Variants in CNTN5 observed in about 807,000 individuals in gnomAD.
CNTN5 encodes the protein contactin-5.
Under a neutral mutation model 129.1 loss-of-function variants are expected in CNTN5, and 77 were observed. The observed-to-expected ratio is 0.60, with a 90% CI of 0.50 to 0.72. CNTN5 has a LOEUF of 0.72. CNTN5 is among the 30% of genes least tolerant of loss of function. The probability of loss-of-function intolerance (pLI) is 0.00; values close to 1 mark genes in which losing one functional copy is unlikely to be tolerated. For synonymous variants in CNTN5, 509 were observed against 465.6 expected (o/e 1.09, Z -1.20); for missense variants, 1,478 against 1,328.8 (o/e 1.11, Z -1.75).
intron 18 of CNTN5, among the ~76,000 whole-genome samples, chr11:100,292,165 C>A (rs568576921): frequency 6.6e-6 from 1 of 152,004 alleles, no homozygotes; most frequent in Non-Finnish European, 1.5e-5. Flanking sequence ...TACTTTCCAG[C>A]GGTGCTCTGG....
chr11:99,555,906 G>A (rs1948648529), intron 2 of CNTN5, among the ~76,000 whole-genome samples: 1 of 151,856 alleles, frequency 6.6e-6, no homozygotes, highest in South Asian at 2.1e-4. Flanking sequence ...CTGTATGGGA[G>A]TATTCAATGT....
intron 1 of CNTN5, among the ~76,000 whole-genome samples, chr11:99,140,402 A>G (rs544090357): frequency 6.6e-6 from 1 of 152,262 alleles, no homozygotes; most frequent in African/African-American, 2.4e-5. Flanking sequence ...CTCTAGGTAC[A>G]GAATCATATC....
chr11:99,674,451 C>T (rs1311434917), intron 3 of CNTN5, among the ~76,000 whole-genome samples: 3 of 152,024 alleles, frequency 2.0e-5, no homozygotes, highest in Non-Finnish European at 4.4e-5. Context: ...AAGCTCTTTG[C>T]TTTAGTTAGA....
rs775825806 is a variant in CNTN5 at position 100,337,574 on chromosome 11, C to T, written c.2731-2889C>T. 1.1e-4 allele frequency: 82 copies of T among 740,800 alleles called. 1 individual carries two copies. The highest frequency in any genetic ancestry group is 7.7e-4 in the Middle Eastern group (3 of 3,916). 45.9% of individuals were successfully genotyped at this position (740,800 alleles called of 1,614,324 possible). ...TGGATTTTCTGAGCAATGAGGGGCA[C>T]GTCTATTCTACTGTGGAGGATGATC... On this transcript the variant is annotated intron_variant, in intron 21 of 24. Coordinates refer to ENST00000524871, the MANE Select transcript of CNTN5 (RefSeq NM_014361.4).
chr11:99,236,734 A>G (rs1374202808), intron 1 of CNTN5, among the ~76,000 whole-genome samples: 1 of 152,186 alleles, frequency 6.6e-6, no homozygotes, highest in Non-Finnish European at 1.5e-5. Flanking sequence ...CTTTGCAAAC[A>G]AATTACATAC....
intron 2 of CNTN5, among the ~76,000 whole-genome samples, chr11:99,431,750 A>G (rs1167429101): frequency 6.6e-6 from 1 of 152,206 alleles, no homozygotes; most frequent in Non-Finnish European, 1.5e-5. Flanking sequence ...ACATGCCTAA[A>G]AAAAGGAACA....
intron 1 of CNTN5, among the ~76,000 whole-genome samples, chr11:99,273,754 T>C (rs1014434954): frequency 6.6e-6 from 1 of 151,554 alleles, no homozygotes; most frequent in Non-Finnish European, 1.5e-5. Context: ...AACATAAAGA[T>C]CTTAATAAAA....
At chr11:100,265,029 CT>C in intron 17 of CNTN5, among the ~76,000 whole-genome samples, 1 of 151,750 alleles carries the variant, frequency 6.6e-6, no homozygotes, top group Non-Finnish European at 1.5e-5. Context: ...ACATAAATGT[CT>C]TTTTTTGAGA....
intron 6 of CNTN5, among the ~76,000 whole-genome samples, chr11:99,858,596 A>T (rs1948112154): frequency 1.7e-5 from 1 of 59,142 alleles, no homozygotes; most frequent in African/African-American, 6.5e-5. Flanking sequence ...AAATAGAATA[A>T]ATGTGCTTAC....
intron 2 of CNTN5, among the ~76,000 whole-genome samples, chr11:99,350,582 A>G (rs532453811): frequency 6.6e-6 from 1 of 152,292 alleles, no homozygotes; most frequent in Admixed American, 6.5e-5. Flanking sequence ...GTGAATGGAT[A>G]AACAAATTGT....
At chr11:99,586,571 T>C (rs1565324186) in intron 3 of CNTN5, among the ~76,000 whole-genome samples, 1 of 152,212 alleles carries the variant, frequency 6.6e-6, no homozygotes, top group African/African-American at 2.4e-5. Context: ...AATAAATTAG[T>C]ACAATACCTG....
At position 100,290,089 on chromosome 11, in the gene CNTN5, G is replaced by A. The variant is rs12276437; in HGVS notation, c.2315-7536G>A. 2.5e-3 allele frequency among the ~76,000 whole-genome samples: 375 copies of A among 150,870 alleles called. 1 individual carries two copies. The highest frequency in any genetic ancestry group is 8.7e-3 in the African/African-American group (357 of 40,918). ...TCTTCAAGGAGAACTACAAACCACTGCTCAAGGAAATAAAAGAGGATACAG... is the reference window on the plus strand; with the variant it reads ...TCTTCAAGGAGAACTACAAACCACTACTCAAGGAAATAAAAGAGGATACAG... On this transcript the variant is annotated intron_variant, in intron 18 of 24. Coordinates refer to ENST00000524871, the MANE Select transcript of CNTN5 (RefSeq NM_014361.4).
chr11:99,121,697 A>G (rs1858338429), intron 1 of CNTN5, among the ~76,000 whole-genome samples: 1 of 152,152 alleles, frequency 6.6e-6, no homozygotes, highest in African/African-American at 2.4e-5. Context: ...CAGCAATGAA[A>G]CACCAGAGGT....
At chr11:100,355,287 A>G (rs1015621339) in intron 24 of CNTN5, among the ~76,000 whole-genome samples, 1 of 151,702 alleles carries the variant, frequency 6.6e-6, no homozygotes, top group Non-Finnish European at 1.5e-5. Flanking sequence ...GGTCAGGATC[A>G]TCAATATCAG....
At chr11:99,769,590 A>C (rs995582244) in intron 3 of CNTN5, among the ~76,000 whole-genome samples, 3 of 152,054 alleles carry the variant, frequency 2.0e-5, no homozygotes, top group Non-Finnish European at 4.4e-5. Context: ...CATGATACTC[A>C]CTTTGGGAGG....
At chr11:99,415,183 A>G (rs932626447) in intron 2 of CNTN5, among the ~76,000 whole-genome samples, 1 of 152,194 alleles carries the variant, frequency 6.6e-6, no homozygotes, top group African/African-American at 2.4e-5. Context: ...AAAGCACAAC[A>G]GATTTATTTA....
intron 1 of CNTN5, among the ~76,000 whole-genome samples, chr11:99,295,943 A>G (rs1228182771): frequency 6.6e-6 from 1 of 151,774 alleles, no homozygotes; most frequent in African/African-American, 2.4e-5. Flanking sequence ...ACGTACTACT[A>G]AAGTTTCTCA....
At chr11:99,579,831 C>A (rs1203391723) in intron 3 of CNTN5, among the ~76,000 whole-genome samples, 1 of 150,982 alleles carries the variant, frequency 6.6e-6, no homozygotes, top group African/African-American at 2.5e-5. Flanking sequence ...TTCCCTTCTC[C>A]TGCCTGACTG....
At chr11:99,199,696 C>T (rs941243725) in intron 1 of CNTN5, among the ~76,000 whole-genome samples, 2 of 152,160 alleles carry the variant, frequency 1.3e-5, no homozygotes, top group Admixed American at 1.3e-4. Flanking sequence ...TTTGTTAAGG[C>T]TCATAACTCA....
Sources: gnomAD v4.1 joint callset for allele counts (sites outside exome capture counted in the v4.1 genomes callset) on GRCh38, gnomAD v4.1.1 for gene constraint, MANE v1.5 for transcripts, NCBI Gene and HGNC (gene_info 2026-07-23, HGNC 2026-07-21) for gene names.